Variants in MEOX1 observed in about 807,000 individuals in gnomAD.
MEOX1 encodes homeobox protein MOX-1.
In MEOX1, 17 loss-of-function variants were observed where a neutral mutation model predicts 23.2. The observed-to-expected ratio is 0.73, with a 90% confidence interval of 0.50 to 1.10. The LOEUF (loss-of-function observed/expected upper bound fraction) is 1.10, where lower values mean the gene tolerates loss of function less well. Among genes scored for constraint, MEOX1 ranks in the 50% least tolerant of loss-of-function variants. MEOX1 has a pLI of 0.00. For missense variants in MEOX1, 333 were observed against 332.2 expected, an observed-to-expected ratio of 1.00 and a Z score of -0.02; for synonymous variants, 134 against 135.1, an observed-to-expected ratio of 0.99 and a Z score of 0.06.
In MEOX1 at chr17:43,661,132, C is replaced by T. The variant is rs888575087; in HGVS notation, c.403G>A (p.Gly135Arg). ...TCATTGGCAGTGCTCCCAAGCACCC[C>T]GTAGTCATCGCCTGGGCCTCCTGTG... ...DTTGGPGDDY[G>R]VLGSTANETE... Residue 135 changes from glycine to arginine, a missense_variant, in exon 1 of 3, where the codon GGG becomes AGG. Physicochemically the swap from Gly to Arg is moderately radical, Grantham distance 125 (BLOSUM62 -2). Coordinates refer to ENST00000318579, the MANE Select transcript of MEOX1 (RefSeq NM_004527.4). The T allele has an allele frequency of 4.5e-6, 7 of 1,539,590 alleles. No homozygotes were observed. The highest frequency in any genetic ancestry group is 2.8e-5 in the African/African-American group (2 of 72,114).
At chr17:43,657,040 T>TTCTTTCTTTCTTTCTTTCTTTTC (rs1973040132) in intron 1 of MEOX1, among the ~76,000 whole-genome samples, 1 of 140,288 alleles carries the variant, frequency 7.1e-6, no homozygotes, top group African/African-American at 2.7e-5. Flanking sequence ...CTTTCTTTCT[T>TTCTTTCTTTCTTTCTTTCTTTTC]TCTTTCTTTC....
intron 1 of MEOX1, among the ~76,000 whole-genome samples, chr17:43,660,763 C>T (rs1973121810): frequency 1.3e-5 from 2 of 152,196 alleles, no homozygotes; most frequent in Admixed American, 1.3e-4. Flanking sequence ...CTCACCAGCC[C>T]TCGCCAGTCT....
chr17:43,642,113 G>A (rs1207769502), intron 2 of MEOX1, 81 bp from the exon 3 acceptor site: 17 of 1,479,524 alleles, frequency 1.1e-5, no homozygotes, highest in Non-Finnish European at 1.4e-5. Context: ...GCTAGCCAGG[G>A]TGTAACTCCA....
Position 43,641,858 on chromosome 17 carries a change from G to T in MEOX1, c.*52C>A, listed in dbSNP as rs929462505. ...AGGGTGAAGGTGGGATTGGGGTGGG[G>T]GTAGTTGGGTAGGGGGCTCAGTCCT... On this transcript the variant is annotated 3_prime_UTR_variant, in exon 3 of 3. Transcript: ENST00000318579. 1.3e-6 allele frequency: 2 copies of T among 1,564,236 alleles called. No homozygotes were observed. Among genetic ancestry groups the T allele is most frequent in the Non-Finnish European group, 1.7e-6 (2 of 1,154,196 alleles).
chr17:43,640,568 G>A lies in MEOX1; in HGVS notation c.*1342C>T, dbSNP rs1972674276. The A allele has an allele frequency of 6.6e-6, 1 of 152,130 alleles. No individual in the cohort carries two copies. Among genetic ancestry groups the A allele is most frequent in the South Asian group, 2.1e-4 (1 of 4,820 alleles). 9.4% of individuals were successfully genotyped at this position (152,130 alleles called of 1,614,324 possible). A position where few individuals can be genotyped will look rare whatever the true frequency, so the allele number is the denominator to read the frequency against. Reference sequence around the variant, plus strand: ...CAGCTCTTGCCCTTTTTGGGGTGGGGAGGTGGGGTTATTTTTACATGTGAA... The same window carrying A: ...CAGCTCTTGCCCTTTTTGGGGTGGGAAGGTGGGGTTATTTTTACATGTGAA... On this transcript the variant is annotated 3_prime_UTR_variant, in exon 3 of 3. Transcript: ENST00000318579.
intron 1 of MEOX1, among the ~76,000 whole-genome samples, chr17:43,644,614 A>G (rs567171841): frequency 1.3e-5 from 2 of 152,318 alleles, no homozygotes; most frequent in South Asian, 4.1e-4. Flanking sequence ...TTTGACACAC[A>G]CATACTGTTC....
rs1290230724 is a variant in MEOX1, at chr17:43,661,671, C to G, written c.-137G>C. On this transcript the variant is annotated 5_prime_UTR_variant, in exon 1 of 3. Coordinates refer to ENST00000318579, the MANE Select transcript of MEOX1 (RefSeq NM_004527.4). Reference sequence around the variant, plus strand: ...TCAACAGAAAATTTACCCCAGGAACCAAAAAAAAAAAAAAACCCAAAACTA... The same window carrying G: ...TCAACAGAAAATTTACCCCAGGAACGAAAAAAAAAAAAAAACCCAAAACTA... 2.6e-6 allele frequency: 1 copy of G among 377,848 alleles called. No individual in the cohort carries two copies. Among genetic ancestry groups the G allele is most frequent in the East Asian group, 3.9e-5 (1 of 25,856 alleles). 23.4% of individuals were successfully genotyped at this position (377,848 alleles called of 1,614,324 possible).
Position 43,645,013 on chromosome 17 carries a change from C to T in MEOX1, c.470-1353G>A, listed in dbSNP as rs1972775902. ...TTGAGCAGACGGGTGGGAGGCAGCT[C>T]TACCTTCACTTTAATGAATGGAGGT... is the stretch of plus-strand genomic sequence containing the variant. On this transcript the variant is annotated intron_variant, in intron 1 of 2. Coordinates refer to ENST00000318579, the MANE Select transcript of MEOX1 (RefSeq NM_004527.4). Among the ~76,000 whole-genome samples, 3 of 152,248 alleles carry T rather than the reference C, an allele frequency of 2.0e-5. No homozygotes were observed. The East Asian group carries it at 5.8e-4, about 29-fold the overall frequency.
At chr17:43,643,448 T>A in intron 2 of MEOX1, 40 bp downstream of exon 2, 1 of 1,506,614 alleles carries the variant, frequency 6.6e-7, no homozygotes, top group African/African-American at 1.4e-5. Context: ...GGGAGGGAGA[T>A]GAGAGAGCAA....
At chr17:43,654,829 G>A (rs1186301593) in intron 1 of MEOX1, among the ~76,000 whole-genome samples, 4 of 152,044 alleles carry the variant, frequency 2.6e-5, no homozygotes, top group Admixed American at 6.6e-5. Flanking sequence ...GAGGCCAGTG[G>A]ATCACGAGGT....
Position 43,642,043 on chromosome 17 carries a change from A to G in MEOX1, c.643-11T>C, listed in dbSNP as rs1258139162. ...GAACCACACTTTGACCTGGGGGAGG[A>G]AGCAAAGGAGCCTGGTCACTCCAGG... is the stretch of plus-strand genomic sequence containing the variant. On this transcript the variant is annotated splice_polypyrimidine_tract_variant and intron_variant, in intron 2 of 2. Coordinates refer to ENST00000318579, the MANE Select transcript of MEOX1 (RefSeq NM_004527.4). The G allele has an allele frequency of 1.2e-6, 2 of 1,610,916 alleles. No individual in the cohort carries two copies. The highest frequency in any genetic ancestry group is 3.3e-5 in the Admixed American group (2 of 59,764).
chr17:43,647,095 T>C (rs954513965), intron 1 of MEOX1, among the ~76,000 whole-genome samples: 3 of 152,176 alleles, frequency 2.0e-5, no homozygotes, highest in Non-Finnish European at 4.4e-5. Context: ...TTCTTGAAGG[T>C]TTCTGTGTGT....
At chr17:43,642,746 T>C (rs1972719907) in intron 2 of MEOX1, among the ~76,000 whole-genome samples, 1 of 152,178 alleles carries the variant, frequency 6.6e-6, no homozygotes, top group Non-Finnish European at 1.5e-5. Context: ...CATATCCAGA[T>C]CACCTGGAGA....
rs368814125 is a variant in MEOX1 at position 43,661,394 on chromosome 17, C to T, written c.141G>A (p.Gln47=). Residue 47 remains glutamine (Q), a synonymous_variant, in exon 1 of 3, where the codon CAG becomes CAA. Coordinates refer to ENST00000318579, the MANE Select transcript of MEOX1 (RefSeq NM_004527.4). Reference sequence around the variant, plus strand: ...TCGCTGTCGCCAGGAAGTCTGGTTTCTGGTGGAAGGAGAACGGGGTGGGCG... The same window carrying T: ...TCGCTGTCGCCAGGAAGTCTGGTTTTTGGTGGAAGGAGAACGGGGTGGGCG... ...HYPPTPFSFH[Q]KPDFLATATA... is the part of the protein sequence containing the mutation. 2 of 1,372,558 alleles carry T rather than the reference C, an allele frequency of 1.5e-6. No individual in the cohort carries two copies. Among genetic ancestry groups the T allele is most frequent in the African/African-American group, 3.0e-5 (2 of 67,290 alleles). The allele number at this position is 1,372,558 out of a possible 1,614,324, so 85.0% of individuals were successfully genotyped here.
At chr17:43,647,725 C>T (rs1020956988) in intron 1 of MEOX1, among the ~76,000 whole-genome samples, 13 of 152,180 alleles carry the variant, frequency 8.5e-5, no homozygotes, top group Non-Finnish European at 7.3e-5. Context: ...CAAGCTATGC[C>T]CCATCCCTGG....
At chr17:43,650,543 G>A (rs1169337261) in intron 1 of MEOX1, among the ~76,000 whole-genome samples, 1 of 152,194 alleles carries the variant, frequency 6.6e-6, no homozygotes, top group Non-Finnish European at 1.5e-5. Context: ...GGGGGAGGAT[G>A]AGTATGGAGG....
At chr17:43,649,026 A>G (rs1026786908) in intron 1 of MEOX1, among the ~76,000 whole-genome samples, 1 of 152,114 alleles carries the variant, frequency 6.6e-6, no homozygotes, top group African/African-American at 2.4e-5. Flanking sequence ...TGGAGCTTCA[A>G]TTTCCTCATT....
At chr17:43,648,916 C>T (rs765209515) in intron 1 of MEOX1, among the ~76,000 whole-genome samples, 21 of 152,262 alleles carry the variant, frequency 1.4e-4, no homozygotes, top group Non-Finnish European at 2.5e-4. Context: ...TATATGCAGA[C>T]GTGTCGGAGG....
intron 1 of MEOX1, among the ~76,000 whole-genome samples, chr17:43,658,131 A>G (rs979062269): frequency 2.6e-5 from 4 of 152,242 alleles, no homozygotes; most frequent in Non-Finnish European, 1.5e-5. Context: ...TTTCTGATCA[A>G]TGCTGGTTAA....
Sources: gnomAD v4.1 joint callset for allele counts (sites outside exome capture counted in the v4.1 genomes callset) on GRCh38, gnomAD v4.1.1 for gene constraint, MANE v1.5 for transcripts, NCBI Gene and HGNC (gene_info 2026-07-23, HGNC 2026-07-21) for gene names.